RNF217: variants seen among roughly 807,000 people sequenced by gnomAD.
The protein encoded by RNF217 is E3 ubiquitin-protein ligase RNF217.
In RNF217, 31 loss-of-function variants were observed where a neutral mutation model predicts 57.8. The ratio of observed to expected loss-of-function variants is 0.54; its 90% CI spans 0.40 to 0.72. RNF217 has a LOEUF of 0.72. Ranked by LOEUF, RNF217 falls within the 30% of genes least tolerant of loss-of-function variation. The probability of loss-of-function intolerance (pLI) is 0.00; values close to 1 mark genes in which losing one functional copy is unlikely to be tolerated. For synonymous variants in RNF217, 313 were observed against 294.0 expected (o/e 1.06, Z -0.66); for missense variants, 696 against 708.3 (o/e 0.98, Z 0.20).
chr6:125,069,873 A>G (rs1204010222), intron 3 of RNF217, among the ~76,000 whole-genome samples: 1 of 151,952 alleles, frequency 6.6e-6, no homozygotes, highest in Non-Finnish European at 1.5e-5. Flanking sequence ...TTTTATTTCA[A>G]TAGTTTTTGG....
intron 1 of RNF217, among the ~76,000 whole-genome samples, chr6:124,993,743 A>G (rs1562457744): frequency 1.3e-5 from 2 of 152,156 alleles, no homozygotes; most frequent in Non-Finnish European, 2.9e-5. Context: ...TGTAAGGAAT[A>G]GTGAGGCCTC....
chr6:124,986,381 G>C (rs1487786653), intron 1 of RNF217, among the ~76,000 whole-genome samples: 3 of 152,152 alleles, frequency 2.0e-5, no homozygotes, highest in African/African-American at 4.8e-5. Flanking sequence ...GACTTCCTTT[G>C]ATGTCATATT....
chr6:124,981,236 A>G (rs1306671993), intron 1 of RNF217, among the ~76,000 whole-genome samples: 5 of 152,224 alleles, frequency 3.3e-5, no homozygotes, highest in African/African-American at 9.6e-5. Flanking sequence ...TCATTAAATT[A>G]TTTACAGGGT....
At chr6:124,965,302 G>A (rs546237431) in intron 1 of RNF217, among the ~76,000 whole-genome samples, 3 of 152,260 alleles carry the variant, frequency 2.0e-5, no homozygotes, top group African/African-American at 7.2e-5. Flanking sequence ...GGCCGGGTGC[G>A]GTGGCTCACG....
At chr6:125,030,544 T>G (rs1786310047) in intron 1 of RNF217, among the ~76,000 whole-genome samples, 1 of 152,192 alleles carries the variant, frequency 6.6e-6, no homozygotes, top group African/African-American at 2.4e-5. Flanking sequence ...ACAAAGGGTT[T>G]AGAGCGCCCA....
At position 125,086,300 on chromosome 6, in the gene RNF217, C is replaced by T. The variant is rs1240013718; in HGVS notation, c.*3363C>T. The T allele has an allele frequency of 1.3e-5, 2 of 151,566 alleles. No homozygotes were observed. The highest frequency in any genetic ancestry group is 2.9e-5 in the Non-Finnish European group (2 of 67,838). The allele number at this position is 151,566 out of a possible 1,614,324, so 9.4% of individuals were successfully genotyped here. Reference sequence around the variant, plus strand: ...CAAATAAATACCTTGCCAAAACTTACAATAGGAAATTTTTTTTCAATAAAA... The same window carrying T: ...CAAATAAATACCTTGCCAAAACTTATAATAGGAAATTTTTTTTCAATAAAA... On this transcript the variant is annotated 3_prime_UTR_variant, in exon 6 of 6. Coordinates refer to ENST00000521654, the MANE Select transcript of RNF217 (RefSeq NM_001286398.3).
At chr6:125,038,395 A>T (rs781474884) in intron 1 of RNF217, among the ~76,000 whole-genome samples, 2 of 152,124 alleles carry the variant, frequency 1.3e-5, no homozygotes, top group African/African-American at 2.4e-5. Context: ...TTTTAAAAAG[A>T]CTTCTTAATT....
At chr6:124,974,552 T>TA (rs1365074246) in intron 1 of RNF217, among the ~76,000 whole-genome samples, 4 of 152,202 alleles carry the variant, frequency 2.6e-5, no homozygotes, top group African/African-American at 9.7e-5. Context: ...TAATTCTGAT[T>TA]AACAACACTT....
chr6:125,070,955 A>T (rs1788110447), intron 3 of RNF217, among the ~76,000 whole-genome samples: 1 of 152,208 alleles, frequency 6.6e-6, no homozygotes, highest in Admixed American at 6.5e-5. Context: ...TTGTGGGCAG[A>T]TGTATACTGA....
intron 1 of RNF217, among the ~76,000 whole-genome samples, chr6:125,032,795 C>G (rs1051343663): frequency 3.0e-4 from 45 of 152,162 alleles, no homozygotes; most frequent in Middle Eastern, 3.4e-3. Flanking sequence ...CACGAACATT[C>G]AGATAGTAAG....
intron 1 of RNF217, among the ~76,000 whole-genome samples, chr6:124,991,452 ATTC>A (rs1323132837): frequency 6.6e-6 from 1 of 152,024 alleles, no homozygotes; most frequent in Non-Finnish European, 1.5e-5. Context: ...CCATACCAGC[ATTC>A]TTCTTCCTTG....
intron 1 of RNF217, among the ~76,000 whole-genome samples, chr6:124,995,166 C>T (rs1362507247): frequency 6.6e-6 from 1 of 152,042 alleles, no homozygotes; most frequent in Non-Finnish European, 1.5e-5. Flanking sequence ...AGTTAGTGTA[C>T]TTTTATTGCC....
intron 1 of RNF217, among the ~76,000 whole-genome samples, chr6:125,013,519 T>C (rs60695660): frequency 6.6e-6 from 1 of 150,684 alleles, no homozygotes; most frequent in East Asian, 2.0e-4. Flanking sequence ...GTCAAGCAGG[T>C]ACCACAGCCC....
rs1169406841 is a variant in RNF217, at chr6:125,087,828, A to G, written c.*4891A>G. On this transcript the variant is annotated 3_prime_UTR_variant, in exon 6 of 6. Transcript: ENST00000521654. ...TGTTTAAAATATTAAATTAATTTAT[A>G]CTGAAAGTTTTAACTGCAATTTCAT... The G allele has an allele frequency of 2.6e-5, 4 of 152,058 alleles. No individual in the cohort carries two copies. The highest frequency in any genetic ancestry group is 2.0e-4 in the Admixed American group (3 of 15,246). The allele number at this position is 152,058 out of a possible 1,614,324, so 9.4% of individuals were successfully genotyped here.
intron 3 of RNF217, among the ~76,000 whole-genome samples, chr6:125,059,910 T>C (rs2114592950): frequency 6.6e-6 from 1 of 152,310 alleles, no homozygotes; most frequent in African/African-American, 2.4e-5. Context: ...ATTATTACAT[T>C]GTAGCAGAGA....
intron 1 of RNF217, among the ~76,000 whole-genome samples, chr6:124,967,396 T>C (rs1278492417): frequency 6.6e-6 from 1 of 152,188 alleles, no homozygotes; most frequent in African/African-American, 2.4e-5. Flanking sequence ...CTTTTATGAT[T>C]TGGTTTAGAC....
chr6:125,080,904 C>T (rs1015524625), intron 4 of RNF217, among the ~76,000 whole-genome samples: 4 of 152,030 alleles, frequency 2.6e-5, no homozygotes, highest in African/African-American at 9.7e-5. Flanking sequence ...TTGAAACGTC[C>T]CATTTTTAGT....
chr6:125,041,977 G>A (rs1355011384), intron 1 of RNF217, among the ~76,000 whole-genome samples: 2 of 151,506 alleles, frequency 1.3e-5, no homozygotes, highest in African/African-American at 4.9e-5. Context: ...AAAAAACTTG[G>A]CTTTCGAGAA....
intron 1 of RNF217, among the ~76,000 whole-genome samples, chr6:125,042,285 G>T (rs577007032): frequency 6.6e-6 from 1 of 152,202 alleles, no homozygotes; most frequent in South Asian, 2.1e-4. Flanking sequence ...CAATTCTGTA[G>T]GTCTTGAGTG....
Sources: gnomAD v4.1 joint callset for allele counts (sites outside exome capture counted in the v4.1 genomes callset) on GRCh38, gnomAD v4.1.1 for gene constraint, MANE v1.5 for transcripts, NCBI Gene and HGNC (gene_info 2026-07-23, HGNC 2026-07-21) for gene names.